Variants in CDKL1 observed in about 807,000 individuals in gnomAD.
CDKL1 encodes the protein cyclin dependent kinase like 1.
CDKL1 carries 41 observed loss-of-function variants against 42.0 expected under a neutral mutation model. The observed-to-expected ratio is 0.98, with a 90% CI of 0.76 to 1.27. CDKL1 has a LOEUF of 1.27. Among genes scored for constraint, CDKL1 ranks in the 50% most tolerant of loss-of-function variants. The pLI is 0.00. For missense variants in CDKL1, 394 were observed against 428.4 expected (o/e 0.92, Z 0.71); for synonymous variants, 153 against 158.6 (o/e 0.96, Z 0.26).
chr14:50,386,690 C>T (rs1382806074), intron 2 of CDKL1, among the ~76,000 whole-genome samples: 4 of 151,436 alleles, frequency 2.6e-5, no homozygotes, highest in African/African-American at 4.9e-5. Flanking sequence ...CTTGGGAGAC[C>T]GAGGCAGGAG....
At chr14:50,391,641 C>T (rs2035260568) in intron 2 of CDKL1, among the ~76,000 whole-genome samples, 1 of 152,162 alleles carries the variant, frequency 6.6e-6, no homozygotes, top group African/African-American at 2.4e-5. Context: ...TCTCAGCCTC[C>T]CAAAGTGCTG....
intron 2 of CDKL1, among the ~76,000 whole-genome samples, chr14:50,383,085 G>A (rs1232078698): frequency 2.6e-5 from 4 of 151,932 alleles, no homozygotes; most frequent in Admixed American, 1.3e-4. Flanking sequence ...GTGCCACCAC[G>A]CCTGGCTAAT....
chr14:50,344,951 C>G (rs2033678560), intron 4 of CDKL1, 35 bp downstream of exon 4: 4 of 1,554,998 alleles, frequency 2.6e-6, no homozygotes, highest in Non-Finnish European at 3.5e-6. Context: ...TTAAGGGGAG[C>G]CTTGTTGCTT....
chr14:50,338,944 C>A lies in CDKL1; in HGVS notation c.738+3G>T. The A allele has an allele frequency of 1.3e-6, 2 of 1,594,790 alleles. No homozygotes were observed. Among genetic ancestry groups the A allele is most frequent in the Non-Finnish European group, 8.6e-7 (1 of 1,162,454 alleles). ...AGAGCTCTCTCCAAAATGGGTAACT[C>A]ACCATATCTTCAGGGTCTGGAATTT... is the stretch of plus-strand genomic sequence containing the variant. On this transcript the variant is annotated splice_donor_region_variant and intron_variant, in intron 7 of 9. Coordinates refer to ENST00000395834, the MANE Select transcript of CDKL1 (RefSeq NM_004196.7).
chr14:50,391,979 G>A (rs996516575), intron 2 of CDKL1, among the ~76,000 whole-genome samples: 6 of 151,982 alleles, frequency 3.9e-5, no homozygotes, highest in East Asian at 3.9e-4. Flanking sequence ...TGTTCCTCTC[G>A]TCTCTCTTAA....
intron 2 of CDKL1, among the ~76,000 whole-genome samples, chr14:50,381,083 T>C (rs538402703): frequency 6.6e-6 from 1 of 152,334 alleles, no homozygotes; most frequent in East Asian, 1.9e-4. Context: ...CCTTGGGCAC[T>C]GCTCTGCCTA....
At chr14:50,341,466 G>GT (rs2033531720) in intron 5 of CDKL1, among the ~76,000 whole-genome samples, 1 of 127,510 alleles carries the variant, frequency 7.8e-6, no homozygotes, top group African/African-American at 3.3e-5. Flanking sequence ...TGGGGGGGGG[G>GT]GGGGGGTTAT....
intron 2 of CDKL1, among the ~76,000 whole-genome samples, chr14:50,374,540 C>G (rs1401476352): frequency 1.3e-5 from 2 of 152,186 alleles, no homozygotes; most frequent in African/African-American, 4.8e-5. Flanking sequence ...AGAGGAAAAG[C>G]TGATACAGGT....
chr14:50,342,454 A>G (rs2033580255), intron 4 of CDKL1: 1 of 1,304,320 alleles, frequency 7.7e-7, no homozygotes, highest in African/African-American at 1.5e-5. Flanking sequence ...AAGGAAAATG[A>G]AAGTAGGGTA....
intron 2 of CDKL1, among the ~76,000 whole-genome samples, chr14:50,391,050 G>T (rs1945049136): frequency 6.6e-6 from 1 of 152,084 alleles, no homozygotes; most frequent in Admixed American, 6.6e-5. Flanking sequence ...GCCCCTGCTG[G>T]TCTTGAACTC....
At chr14:50,361,299 T>C (rs1301380502) in intron 2 of CDKL1, among the ~76,000 whole-genome samples, 1 of 152,278 alleles carries the variant, frequency 6.6e-6, no homozygotes, top group East Asian at 1.9e-4. Context: ...ATTTTCTCTG[T>C]AAAATCCCTC....
At chr14:50,390,036 A>G (rs2035207838) in intron 2 of CDKL1, 1 of 634,670 alleles carries the variant, frequency 1.6e-6, no homozygotes, top group South Asian at 1.4e-5. Context: ...AACGATATCT[A>G]CCTTCTAAGG....
intron 2 of CDKL1, chr14:50,362,276 T>C (rs1192514019): frequency 2.7e-6 from 1 of 375,722 alleles, no homozygotes; most frequent in Admixed American, 3.0e-5. Context: ...GACTGAGGAG[T>C]GCGGGCGCAC....
At chr14:50,383,129 C>T (rs892538709) in intron 2 of CDKL1, among the ~76,000 whole-genome samples, 16 of 151,872 alleles carry the variant, frequency 1.1e-4, no homozygotes, top group Non-Finnish European at 1.0e-4. Context: ...GGGGTTTCAC[C>T]GTGTTAGCCA....
chr14:50,377,733 C>A (rs148388987), intron 2 of CDKL1: 1 of 1,265,022 alleles, frequency 7.9e-7, no homozygotes, highest in Non-Finnish European at 1.0e-6. Flanking sequence ...TTCGGCACTG[C>A]AGTGGCACAT....
chr14:50,348,071 GA>G (rs762869390), intron 3 of CDKL1, among the ~76,000 whole-genome samples: 1 of 152,224 alleles, frequency 6.6e-6, no homozygotes, highest in African/African-American at 2.4e-5. Context: ...CACAAGGTCA[GA>G]GAGGACAGGA....
intron 3 of CDKL1, among the ~76,000 whole-genome samples, chr14:50,347,382 A>G (rs1404783815): frequency 6.6e-6 from 1 of 152,232 alleles, no homozygotes; most frequent in Non-Finnish European, 1.5e-5. Context: ...GTGCTGTGCT[A>G]GAAGGGGTTG....
intron 2 of CDKL1, chr14:50,376,393 A>G (rs1473345376): frequency 4.2e-6 from 2 of 471,154 alleles, no homozygotes; most frequent in Non-Finnish European, 8.8e-6. Flanking sequence ...TTGCATAAAA[A>G]TATCCATACC....
At position 50,395,706 on chromosome 14, in the gene CDKL1, G is replaced by C. The variant is rs149845510; in HGVS notation, c.163C>G (p.Leu55Val). Reference sequence around the variant, plus strand: ...AGGAAAAGTGAATCAATTACCTTGAGCATTCGGATTTCCCGAAGGGCAATT... The same window carrying C: ...AGGAAAAGTGAATCAATTACCTTGACCATTCGGATTTCCCGAAGGGCAATT... ...KKIALREIRM[L>V]KQLKHPNLVN... Residue 55 changes from leucine (L) to valine (V), a missense_variant, in exon 2 of 10, where the codon CTC (leucine) becomes GTC (valine). Physicochemically the swap from Leu to Val is conservative, Grantham distance 32. Transcript: ENST00000395834. 118 of 1,604,050 alleles carry C rather than the reference G, an allele frequency of 7.4e-5. No homozygotes were observed. Among genetic ancestry groups the C allele is most frequent in the Middle Eastern group, 5.0e-4 (3 of 6,046 alleles).
Sources: gnomAD v4.1 joint callset for allele counts (sites outside exome capture counted in the v4.1 genomes callset) on GRCh38, gnomAD v4.1.1 for gene constraint, MANE v1.5 for transcripts, NCBI Gene and HGNC (gene_info 2026-07-23, HGNC 2026-07-21) for gene names.